Variants in BTBD9 observed in about 807,000 individuals in gnomAD.
BTBD9 encodes BTB domain containing 9, also known as BTB/POZ domain-containing protein 9.
BTBD9 carries 49 observed loss-of-function variants against 64.3 expected under a neutral mutation model. That is an observed-to-expected ratio of 0.76 (90% CI 0.61 to 0.97). BTBD9 has a LOEUF of 0.97. BTBD9 is among the 50% of genes least tolerant of loss of function. The pLI is 0.00. For missense variants in BTBD9, 598 were observed against 762.1 expected (o/e 0.78, Z 2.53); for synonymous variants, 260 against 274.7 (o/e 0.95, Z 0.53).
At chr6:38,330,200 G>A (rs747017841) in intron 7 of BTBD9, among the ~76,000 whole-genome samples, 3 of 151,928 alleles carry the variant, frequency 2.0e-5, no homozygotes, top group Non-Finnish European at 2.9e-5. Context: ...CATTACAGGC[G>A]TGCCACCACA....
At chr6:38,517,455 T>C (rs991427775) in intron 6 of BTBD9, among the ~76,000 whole-genome samples, 1 of 152,076 alleles carries the variant, frequency 6.6e-6, no homozygotes, top group African/African-American at 2.4e-5. Flanking sequence ...CTGGCCACCT[T>C]CCCCTCTCCT....
intron 9 of BTBD9, among the ~76,000 whole-genome samples, chr6:38,195,576 TCTGA>T (rs1023468683): frequency 1.3e-5 from 2 of 152,264 alleles, no homozygotes; most frequent in Admixed American, 6.5e-5. Context: ...CCATACTGGC[TCTGA>T]CTGGATGAAC....
chr6:38,582,827 C>A (rs548989739), intron 4 of BTBD9, among the ~76,000 whole-genome samples: 1 of 152,236 alleles, frequency 6.6e-6, no homozygotes, highest in South Asian at 2.1e-4. Flanking sequence ...GTAAAAAATA[C>A]ACTACAGATA....
intron 6 of BTBD9, among the ~76,000 whole-genome samples, chr6:38,525,784 G>A (rs1450330072): frequency 1.3e-5 from 2 of 152,170 alleles, no homozygotes; most frequent in Non-Finnish European, 2.9e-5. Flanking sequence ...GATTTCTTCT[G>A]GAGGAAGAAA....
At chr6:38,529,956 G>A (rs1009211162) in intron 6 of BTBD9, among the ~76,000 whole-genome samples, 1 of 152,186 alleles carries the variant, frequency 6.6e-6, no homozygotes, top group Non-Finnish European at 1.5e-5. Flanking sequence ...TTCTTGCAGA[G>A]AGCCTATAAA....
At chr6:38,547,050 T>A (rs1475279846) in intron 6 of BTBD9, among the ~76,000 whole-genome samples, 2 of 152,184 alleles carry the variant, frequency 1.3e-5, no homozygotes, top group Non-Finnish European at 2.9e-5. Context: ...TATAAAATGG[T>A]GAACTTAATG....
intron 1 of BTBD9, among the ~76,000 whole-genome samples, chr6:38,607,164 T>C (rs1339459889): frequency 6.6e-6 from 1 of 152,168 alleles, no homozygotes; most frequent in Non-Finnish European, 1.5e-5. Flanking sequence ...ATGTACAATC[T>C]AGTTACTTAA....
At position 38,377,152 on chromosome 6, in the gene BTBD9, A is replaced by G. The variant is rs1765723446; in HGVS notation, c.1155-32059T>C. ...CATGTTTCTCATTCAAAGTGCTACC[A>G]GTCGATTTTGATTTCTAGATAAATA... On this transcript the variant is annotated intron_variant, in intron 6 of 10. Coordinates refer to ENST00000481247, the MANE Select transcript of BTBD9 (RefSeq NM_001099272.2). Among the ~76,000 whole-genome samples the G allele has an allele frequency of 3.3e-5, 5 of 152,348 alleles. No individual in the cohort carries two copies. In the South Asian group the frequency reaches 1.0e-3, roughly 32 times the overall value.
chr6:38,521,769 C>T (rs1773280660), intron 6 of BTBD9, among the ~76,000 whole-genome samples: 1 of 151,876 alleles, frequency 6.6e-6, no homozygotes, highest in Non-Finnish European at 1.5e-5. Context: ...CTGCCTCCTG[C>T]GTTTAAGCAA....
Position 38,256,413 on chromosome 6 carries a change from A to C in BTBD9, c.1558T>G (p.Cys520Gly). The C allele has an allele frequency of 6.2e-7, 1 of 1,609,332 alleles. No individual in the cohort carries two copies. Among genetic ancestry groups the C allele is most frequent in the Non-Finnish European group, 8.5e-7 (1 of 1,175,748 alleles). Residue 520 changes from cysteine (C) to glycine (G), a missense_variant, in exon 9 of 11, where the codon TGC becomes GGC. Physicochemically the swap from Cys to Gly is radical, Grantham distance 159. Coordinates refer to ENST00000481247, the MANE Select transcript of BTBD9 (RefSeq NM_001099272.2). ...TCCTGAAAAGACACAACTTACTTGC[A>C]GGAGACTTTAGTTCTGTCAGCAACC... ...TMVADRTKVS[C>G]KSWQSVTFER...
chr6:38,260,189 A>G (rs1324123831), intron 8 of BTBD9, among the ~76,000 whole-genome samples: 2 of 152,192 alleles, frequency 1.3e-5, no homozygotes, highest in Non-Finnish European at 2.9e-5. Flanking sequence ...TGTTCATGGC[A>G]TATGTTCCAT....
At chr6:38,571,659 T>A (rs540772989) in intron 6 of BTBD9, 1 of 152,254 alleles carries the variant, frequency 6.6e-6, no homozygotes, top group African/African-American at 2.4e-5. Flanking sequence ...AGATGTTGTG[T>A]AAATATCTAA....
chr6:38,350,102 G>A (rs1305712110), intron 6 of BTBD9, among the ~76,000 whole-genome samples: 1 of 152,152 alleles, frequency 6.6e-6, no homozygotes, highest in African/African-American at 2.4e-5. Flanking sequence ...CATACCCAGT[G>A]ACGTGGTTCT....
intron 6 of BTBD9, among the ~76,000 whole-genome samples, chr6:38,435,011 A>G (rs1283587047): frequency 6.6e-6 from 1 of 151,834 alleles, no homozygotes; most frequent in African/African-American, 2.4e-5. Context: ...CCTGACCAAC[A>G]TGGAGAAACC....
chr6:38,395,901 G>A (rs568715207), intron 6 of BTBD9, among the ~76,000 whole-genome samples: 71 of 152,168 alleles, frequency 4.7e-4, no homozygotes, highest in African/African-American at 1.6e-3. Flanking sequence ...AGTAGAGATG[G>A]GGTTTCACCA....
intron 7 of BTBD9, among the ~76,000 whole-genome samples, chr6:38,315,622 A>G (rs1291801564): frequency 6.6e-6 from 1 of 152,186 alleles, no homozygotes; most frequent in Non-Finnish European, 1.5e-5. Context: ...ATAGTTTCCA[A>G]AATTTCTCTT....
intron 6 of BTBD9, among the ~76,000 whole-genome samples, chr6:38,437,070 T>C (rs1396004810): frequency 6.6e-6 from 1 of 152,214 alleles, no homozygotes; most frequent in African/African-American, 2.4e-5. Context: ...TTGGTGATAA[T>C]GCATATTAAG....
At position 38,222,254 on chromosome 6, in the gene BTBD9, G is replaced by GTTTTTTTTTTTTTTTTTT. The variant is rs771737210; in HGVS notation, c.1563-29658_1563-29657insAAAAAAAAAAAAAAAAAA. 4.1e-5 allele frequency among the ~76,000 whole-genome samples: 4 copies of GTTTTTTTTTTTTTTTTTT among 96,702 alleles called. 2 individuals carry two copies. The highest frequency in any genetic ancestry group is 3.8e-5 in the Non-Finnish European group (2 of 52,558). 63.4% of individuals were successfully genotyped at this position (96,702 alleles called of 152,430 possible). On this transcript the variant is annotated intron_variant, in intron 9 of 10. Transcript: ENST00000481247. The stretch of plus-strand genomic sequence containing the variant: ...TAAATTAGCCTTAATAATTCATTCA[G>GTTTTTTTTTTTTTTTTTT]TTGTTTTTTTTTTTTTTTTTTTTTT...
chr6:38,258,629 G>A (rs1443819968), intron 8 of BTBD9, among the ~76,000 whole-genome samples: 1 of 152,174 alleles, frequency 6.6e-6, no homozygotes, highest in Non-Finnish European at 1.5e-5. Context: ...AGTGGCTCAC[G>A]CCTGTAATCC....
Sources: allele counts gnomAD v4.1 joint callset (sites outside exome capture counted in the v4.1 genomes callset), GRCh38; gene constraint gnomAD v4.1.1; transcripts MANE v1.5; gene names NCBI Gene and HGNC (gene_info 2026-07-23, HGNC 2026-07-21).